CNOT1: variants seen among roughly 807,000 people sequenced by gnomAD.
The protein encoded by CNOT1 is CCR4-NOT transcription complex subunit 1, also known as CCR4-associated factor 1.
Under a neutral mutation model 273.8 loss-of-function variants are expected in CNOT1, and 15 were observed. The ratio of observed to expected loss-of-function variants is 0.05; its 90% CI spans 0.04 to 0.08. The LOEUF (loss-of-function observed/expected upper bound fraction) is 0.08. CNOT1 is among the 10% of genes least tolerant of loss of function. The pLI, the probability that CNOT1 is intolerant of heterozygous loss-of-function variation, is 1.00. For missense variants in CNOT1, 1,644 were observed against 2,912.2 expected, an observed-to-expected ratio of 0.56 and a Z score of 10.02; for synonymous variants, 1,022 against 1,005.5, an observed-to-expected ratio of 1.02 and a Z score of -0.31.
At chr16:58,546,579 A>G (rs905005632) in intron 28 of CNOT1, 81 bp from the exon 29 acceptor site, 3 of 1,607,318 alleles carry the variant, frequency 1.9e-6, no homozygotes, top group Non-Finnish European at 2.5e-6. Flanking sequence ...TTCAGTTATT[A>G]TAGTACTTCC....
chr16:58,545,458 C>G lies in CNOT1; in HGVS notation c.4040G>C (p.Cys1347Ser). The G allele has an allele frequency of 6.2e-7, 1 of 1,614,058 alleles. No homozygotes were observed. Among genetic ancestry groups the G allele is most frequent in the Non-Finnish European group, 8.5e-7 (1 of 1,179,954 alleles). ...TGGCTGTGGTGGAACCGTGGCTGTACAAGTGGTGTTGGTAGCTGGTGTAGT... is the reference window on the plus strand; with the variant it reads ...TGGCTGTGGTGGAACCGTGGCTGTAGAAGTGGTGTTGGTAGCTGGTGTAGT... The part of the protein sequence containing the change: ...TSTTPATNTT[C>S]TATVPPQPQY... The change falls in exon 30 of 49, where the codon TGT (cysteine) becomes TCT (serine). Residue 1347 changes from cysteine to serine, a missense_variant. Around this residue, in one of 13 missense-constraint regions of CNOT1, gnomAD observed 52 missense variants for 50.2 expected, o/e 1.04. Transcript: ENST00000317147.
chr16:58,597,352 G>A (rs1475187285), intron 2 of CNOT1, among the ~76,000 whole-genome samples: 3 of 151,956 alleles, frequency 2.0e-5, no homozygotes, highest in African/African-American at 4.8e-5. Context: ...GTGGAAGCCT[G>A]TAATCCCAGC....
rs531847215 is a variant in CNOT1 at position 58,520,169 on chromosome 16, C to CAATT, written c.*785_*788dup. On this transcript the variant is annotated 3_prime_UTR_variant, in exon 49 of 49. Transcript: ENST00000317147. Reference sequence around the variant, plus strand: ...CATTCAGTGGGGTAATGGGGGAGAACAATTAATTAATGAGATTTGGTTCCC... The same window carrying CAATT: ...CATTCAGTGGGGTAATGGGGGAGAACAATTAATTAATTAATGAGATTTGGTTCCC... 1.3e-5 allele frequency: 2 copies of CAATT among 151,638 alleles called. No individual in the cohort carries two copies. The highest frequency in any genetic ancestry group is 1.9e-4 in the East Asian group (1 of 5,168). The allele number at this position is 151,638 out of a possible 1,614,324, so 9.4% of individuals were successfully genotyped here.
chr16:58,548,453 T>C (rs1232861470), intron 25 of CNOT1: 1 of 490,590 alleles, frequency 2.0e-6, no homozygotes. Context: ...GAAACTTTTA[T>C]GTATCCCAAC....
intron 2 of CNOT1, 136 bp downstream of exon 2, chr16:58,599,100 T>C (rs1567435179): frequency 9.4e-7 from 1 of 1,058,638 alleles, no homozygotes; most frequent in Non-Finnish European, 1.4e-6. Context: ...TTACAGATGA[T>C]GATGACAGAA....
At position 58,547,225 on chromosome 16, in the gene CNOT1, G is replaced by A; in HGVS notation, c.3711C>T (p.Pro1237=). 1 of 1,613,466 alleles carries A rather than the reference G, an allele frequency of 6.2e-7. No homozygotes were observed. The highest frequency in any genetic ancestry group is 1.1e-5 in the South Asian group (1 of 90,944). Residue 1237 remains proline, a synonymous_variant, in exon 27 of 49, where the codon CCC becomes CCT. Transcript: ENST00000317147. The surrounding 1 kb of genome is among the most constrained non-coding windows in gnomAD (Gnocchi z 4.0). ...TAGATTCTAAGACTTTGGCAACAAAGGGCACTACATAGAGCAATTCTTGTT... is the reference window on the plus strand; with the variant it reads ...TAGATTCTAAGACTTTGGCAACAAAAGGCACTACATAGAGCAATTCTTGTT... The part of the protein sequence containing the change: ...KGQQELLYVV[P]FVAKVLESSI...
intron 8 of CNOT1, among the ~76,000 whole-genome samples, chr16:58,584,332 G>C (rs1467603496): frequency 6.6e-6 from 1 of 151,030 alleles, no homozygotes; most frequent in Admixed American, 6.6e-5. Context: ...ACTTTTTTTT[G>C]TTAGTCTCGC....
At chr16:58,551,949 C>T in intron 22 of CNOT1, 130 bp from the exon 23 acceptor site, 2 of 1,180,158 alleles carry the variant, frequency 1.7e-6, no homozygotes, top group Non-Finnish European at 2.4e-6. Context: ...ATACTCTTTG[C>T]CCCATACCCT....
chr16:58,567,822 G>A (rs1457097736), intron 16 of CNOT1, among the ~76,000 whole-genome samples: 1 of 152,180 alleles, frequency 6.6e-6, no homozygotes, highest in East Asian at 1.9e-4. Flanking sequence ...AAGCCTGAGA[G>A]GTGAATCAAA....
rs769130713 is a variant in CNOT1 at position 58,526,006 on chromosome 16, G to T, written c.6586C>A (p.Leu2196Met). The T allele has an allele frequency of 1.2e-6, 2 of 1,613,980 alleles. No individual in the cohort carries two copies. Among genetic ancestry groups the T allele is most frequent in the Non-Finnish European group, 1.7e-6 (2 of 1,179,988 alleles). The change falls in exon 45 of 49, where the codon CTG (leucine) becomes ATG (methionine). Residue 2196 changes from leucine to methionine, a missense_variant. This residue lies in a region of CNOT1 where 140 missense variants were observed against 324.6 expected (regional missense o/e 0.43). Transcript: ENST00000317147. ...TRSPVTFLSDLRSNLQVSNEP... is the reference protein window; with the variant it reads ...TRSPVTFLSDMRSNLQVSNEP... ...CAATTAACCTGTAGGTTGCTGCGCA[G>T]ATCAGACAGGAAAGTGACTGGTGAT...
Position 58,551,343 on chromosome 16 carries a change from A to G in CNOT1, c.3202-71T>C, listed in dbSNP as rs9940760. The G allele has an allele frequency of 6.7e-4, 966 of 1,442,278 alleles. 5 individuals carry two copies. The African/African-American group carries it at 0.012, about 18-fold the overall frequency. 89.3% of individuals were successfully genotyped at this position (1,442,278 alleles called of 1,614,324 possible). On this transcript the variant is annotated intron_variant, in intron 23 of 48. Coordinates refer to ENST00000317147, the MANE Select transcript of CNOT1 (RefSeq NM_016284.5). ...TTCCCTGAAAAAAATCCAATAATGT[A>G]TACAGATTTAGTGTTAAAAAATACA...
intron 39 of CNOT1, among the ~76,000 whole-genome samples, chr16:58,535,859 G>A (rs1011915910): frequency 1.3e-5 from 2 of 151,420 alleles, no homozygotes; most frequent in South Asian, 2.1e-4. Context: ...TCAGCCTCCC[G>A]AGTAGCTGGG....
intron 12 of CNOT1, 24 bp from the exon 13 acceptor site, chr16:58,578,963 C>CTT (rs2041560109): frequency 6.2e-7 from 1 of 1,607,920 alleles, no homozygotes. Flanking sequence ...AAGAAACATG[C>CTT]TTTATCAATG....
At chr16:58,595,420 CAAAAAAAAAAAAA>C (rs57122392) in intron 2 of CNOT1, among the ~76,000 whole-genome samples, 2 of 102,938 alleles carry the variant, frequency 1.9e-5, no homozygotes, top group Non-Finnish European at 3.8e-5. Flanking sequence ...TTTTCCATCT[CAAAAAAAAAAAAA>C]AAAAAAAACT....
At chr16:58,551,003 T>TA in intron 24 of CNOT1, 129 bp downstream of exon 24, 1 of 1,478,042 alleles carries the variant, frequency 6.8e-7, no homozygotes, top group Non-Finnish European at 8.9e-7. Context: ...ACCCACTAGT[T>TA]AAATATACAT....
intron 16 of CNOT1, among the ~76,000 whole-genome samples, chr16:58,573,325 GA>G: frequency 6.7e-6 from 1 of 150,308 alleles, no homozygotes; most frequent in African/African-American, 2.4e-5. Flanking sequence ...AAGAAAGAAA[GA>G]AAAAAAGAAA....
Position 58,547,200 on chromosome 16 carries a change from T to C in CNOT1, c.3736A>G (p.Ser1246Gly). The C allele has an allele frequency of 4.3e-6, 7 of 1,613,028 alleles. No homozygotes were observed. Among genetic ancestry groups the C allele is most frequent in the Non-Finnish European group, 5.9e-6 (7 of 1,179,558 alleles). ...AATCTACTCACCACACTACGAATGCTAGATTCTAAGACTTTGGCAACAAAG... is the reference window on the plus strand; with the variant it reads ...AATCTACTCACCACACTACGAATGCCAGATTCTAAGACTTTGGCAACAAAG... ...VPFVAKVLES[S>G]IRSVVFRPPN... is the part of the protein sequence containing the mutation. Residue 1246 changes from serine to glycine, a missense_variant, in exon 27 of 49, where the codon AGC (serine) becomes GGC (glycine). Around this residue, in one of 13 missense-constraint regions of CNOT1, gnomAD observed 124 missense variants for 289.3 expected, o/e 0.43. Coordinates refer to ENST00000317147, the MANE Select transcript of CNOT1 (RefSeq NM_016284.5). The surrounding 1 kb of genome is among the most constrained non-coding windows in gnomAD (Gnocchi z 4.0).
chr16:58,573,786 T>A (rs1056500524), intron 16 of CNOT1, among the ~76,000 whole-genome samples: 3 of 150,980 alleles, frequency 2.0e-5, no homozygotes, highest in African/African-American at 7.3e-5. Flanking sequence ...CAGCCTTAAC[T>A]AGCTGATCTT....
At chr16:58,602,910 TCCC>T (rs1179441409) in intron 1 of CNOT1, among the ~76,000 whole-genome samples, 4 of 152,084 alleles carry the variant, frequency 2.6e-5, no homozygotes, top group Admixed American at 2.6e-4. Context: ...CTCCTTGTCT[TCCC>T]CCCACTTAAT....
Sources: gnomAD v4.1 joint callset for allele counts (sites outside exome capture counted in the v4.1 genomes callset) on GRCh38, gnomAD v4.1.1 for gene constraint, gnomAD v4.1.1 regional missense constraint, Gnocchi (gnomAD v3.1) non-coding constraint, MANE v1.5 for transcripts, NCBI Gene and HGNC (gene_info 2026-07-23, HGNC 2026-07-21) for gene names.